PKD1L3: variants seen among roughly 807,000 people sequenced by gnomAD.
PKD1L3 encodes polycystin-1-like protein 3.
A neutral mutation model predicts 184.1 loss-of-function variants in PKD1L3; 239 were observed. The ratio of observed to expected loss-of-function variants is 1.30; its 90% CI spans 1.17 to 1.45. The LOEUF (loss-of-function observed/expected upper bound fraction) is 1.45. Ranked by LOEUF, PKD1L3 falls within the 40% of genes most tolerant of loss-of-function variation. The probability of loss-of-function intolerance (pLI) is 0.00; values close to 1 mark genes in which losing one functional copy is unlikely to be tolerated. For synonymous variants in PKD1L3, 996 were observed against 778.8 expected, an observed-to-expected ratio of 1.28 and a Z score of -4.64; for missense variants, 2,660 against 2,067.2, an observed-to-expected ratio of 1.29 and a Z score of -5.56.
chr16:71,992,079 C>T (rs1337376225), intron 3 of PKD1L3, among the ~76,000 whole-genome samples: 1 of 152,172 alleles, frequency 6.6e-6, no homozygotes, highest in Non-Finnish European at 1.5e-5. Context: ...ACTCAGCCTC[C>T]CACGGTGCTG....
intron 4 of PKD1L3, 63 bp downstream of exon 4, chr16:71,990,217 A>G (rs1471770440): frequency 7.3e-6 from 10 of 1,363,838 alleles, no homozygotes; most frequent in African/African-American, 7.3e-5. Flanking sequence ...CTCTAACCAG[A>G]TCTACTAGGT....
chr16:71,936,377 AT>A (rs2038176987), intron 25 of PKD1L3, among the ~76,000 whole-genome samples: 1 of 150,724 alleles, frequency 6.6e-6, no homozygotes, highest in African/African-American at 2.4e-5. Flanking sequence ...TGATTTTTGT[AT>A]TTTTAGTAGA....
At chr16:71,953,447 G>A (rs2038926733) in intron 17 of PKD1L3, among the ~76,000 whole-genome samples, 1 of 152,186 alleles carries the variant, frequency 6.6e-6, no homozygotes, top group South Asian at 2.1e-4. Context: ...TGTCATGGCA[G>A]GAGGTGAAGA....
intron 26 of PKD1L3, 72 bp from the exon 27 acceptor site, chr16:71,934,197 G>C: frequency 7.1e-7 from 1 of 1,414,882 alleles, no homozygotes; most frequent in Non-Finnish European, 9.7e-7. Flanking sequence ...CAGCGCCCCT[G>C]CTGCTGATCG....
chr16:71,969,469 CTCTT>C (rs1175313645), intron 13 of PKD1L3, among the ~76,000 whole-genome samples: 1 of 116,304 alleles, frequency 8.6e-6, no homozygotes, highest in Non-Finnish European at 1.7e-5. Flanking sequence ...CCATGCCAGG[CTCTT>C]TTTTTTTTTT....
chr16:71,933,696 T>G (rs8063324), intron 27 of PKD1L3, among the ~76,000 whole-genome samples, 175 bp from the exon 28 acceptor site: 110,182 of 152,060 alleles, frequency 0.72, 40,587 homozygotes, highest in East Asian at 0.98. Flanking sequence ...CATAGAAGTT[T>G]ATTTGACCTT....
rs1305696558 is a variant in PKD1L3 at position 71,942,561 on chromosome 16, T to G, written c.4323A>C (p.Arg1441Ser). The G allele has an allele frequency of 6.5e-7, 1 of 1,549,626 alleles. No homozygotes were observed. Among genetic ancestry groups the G allele is most frequent in the African/African-American group, 1.4e-5 (1 of 72,982 alleles). Residue 1441 changes from arginine (R) to serine (S), a missense_variant and splice_region_variant, in exon 24 of 30, where the codon AGA becomes AGC. Physicochemically the swap from Arg to Ser is moderately radical, Grantham distance 110. Coordinates refer to ENST00000620267, the MANE Select transcript of PKD1L3 (RefSeq NM_181536.2). The part of the protein sequence containing the change: ...KNENGFSYIM[R>S]GAFFTSLRLE... ...AATTCCAGGGGTCACTCCAGTTACC[T>G]CTCATGATGTAACTGAATCCATTCT...
intron 19 of PKD1L3, among the ~76,000 whole-genome samples, 176 bp downstream of exon 19, chr16:71,951,388 T>C (rs1219259057): frequency 1.3e-5 from 2 of 152,214 alleles, no homozygotes; most frequent in East Asian, 3.8e-4. Context: ...AGAAAGATTG[T>C]CTACAAGTCA....
chr16:71,988,543 G>C (rs374613842), intron 4 of PKD1L3, among the ~76,000 whole-genome samples: 18 of 152,292 alleles, frequency 1.2e-4, no homozygotes, highest in African/African-American at 4.3e-4. Flanking sequence ...ACCATGTGGT[G>C]ATCGTGGTGA....
rs1245074971 is a variant in PKD1L3, at chr16:71,979,911, G to C, written c.1273C>G (p.Gln425Glu). ...CTCAGCGGTAAAGTTGATATGTTTT[G>C]TCTAATGAGAAAAGTTAAAATGGAA... ...SANATLLLSR[Q>E]NISTLPLSSY... Residue 425 changes from glutamine (Q) to glutamate (E), a missense_variant and splice_region_variant, in exon 9 of 30, where the codon CAA becomes GAA. Physicochemically the swap from Gln to Glu is conservative, Grantham distance 29. Transcript: ENST00000620267. The C allele has an allele frequency of 3.2e-6, 5 of 1,550,852 alleles. No homozygotes were observed. The South Asian group carries it at 4.8e-5, about 15-fold the overall frequency.
At position 71,993,454 on chromosome 16, in the gene PKD1L3, A is replaced by G. The variant is rs935209936; in HGVS notation, c.419-122T>C. 2.2e-5 allele frequency: 14 copies of G among 642,772 alleles called. 1 individual carries two copies. In the South Asian group the frequency reaches 3.1e-4, roughly 14 times the overall value. The allele number at this position is 642,772 out of a possible 1,614,324, so 39.8% of individuals were successfully genotyped here. ...AAACACAAATTAAAAATTCCTATCC[A>G]GTTTTTTAAGGACACTAAGAATTCT... is the stretch of plus-strand genomic sequence containing the variant. On this transcript the variant is annotated intron_variant, in intron 2 of 29. Coordinates refer to ENST00000620267, the MANE Select transcript of PKD1L3 (RefSeq NM_181536.2).
intron 7 of PKD1L3, among the ~76,000 whole-genome samples, chr16:71,981,535 CTTTTTTTTTTT>C (rs543488508): frequency 6.7e-5 from 7 of 105,080 alleles, no homozygotes; most frequent in South Asian, 6.2e-4. Context: ...TTCCTAAATT[CTTTTTTTTTTT>C]TTTTTTTTTT....
rs181566555 is a variant in PKD1L3, at chr16:71,995,172, C to G, written c.419-1840G>C. On this transcript the variant is annotated intron_variant, in intron 2 of 29. Transcript: ENST00000620267. ...TGGAGTTGGGGGAAGGCTGCAACCT[C>G]GTAAGGTGAAAAGGCAAGAGAAGCC... Among the ~76,000 whole-genome samples the G allele has an allele frequency of 2.0e-5, 3 of 152,084 alleles. No homozygotes were observed. In the East Asian group the frequency reaches 5.8e-4, roughly 29 times the overall value.
At position 71,997,752 on chromosome 16, in the gene PKD1L3, AAAATAAAT is replaced by A. The variant is rs58522217; in HGVS notation, c.418+512_418+519del. 4.1e-3 allele frequency among the ~76,000 whole-genome samples: 595 copies of A among 145,728 alleles called. 1 individual carries two copies. Among genetic ancestry groups the A allele is most frequent in the African/African-American group, 0.01 (405 of 39,446 alleles). On this transcript the variant is annotated intron_variant, in intron 2 of 29. Transcript: ENST00000620267. ...AACAAGAGCAAAACTCAGTCTTGGA[AAAATAAAT>A]AAATAAATAAATAAATAAATAAATA...
chr16:71,969,999 G>T lies in PKD1L3; in HGVS notation c.2060C>A (p.Thr687Lys). 6.4e-7 allele frequency: 1 copy of T among 1,551,684 alleles called. No homozygotes were observed. The highest frequency in any genetic ancestry group is 1.2e-5 in the South Asian group (1 of 84,054). The change falls in exon 13 of 30, where the codon ACG (threonine) becomes AAG (lysine). Residue 687 changes from threonine (T) to lysine (K), a missense_variant. Thr to Lys is a moderately conservative substitution (Grantham distance 78, BLOSUM62 -1). Coordinates refer to ENST00000620267, the MANE Select transcript of PKD1L3 (RefSeq NM_181536.2). ...GGTCACGCGAAGGAACAGTTTGATCGTGTCTTCAACATTCACGGTCCTGGG... is the reference window on the plus strand; with the variant it reads ...GGTCACGCGAAGGAACAGTTTGATCTTGTCTTCAACATTCACGGTCCTGGG... Reference protein sequence around the residue: ...VVPRTVNVEDTIKLFLRVTNN... With the variant: ...VVPRTVNVEDKIKLFLRVTNN...
chr16:71,940,451 G>A (rs899729886), intron 24 of PKD1L3, among the ~76,000 whole-genome samples: 41 of 152,226 alleles, frequency 2.7e-4, no homozygotes, highest in African/African-American at 9.6e-4. Flanking sequence ...GAGAGACTTA[G>A]ATACCCAGTT....
intron 22 of PKD1L3, 112 bp downstream of exon 22, chr16:71,947,380 C>G: frequency 1.5e-6 from 1 of 677,724 alleles, no homozygotes; most frequent in Non-Finnish European, 2.5e-6. Flanking sequence ...GAGAAATAAC[C>G]AGTTGGTTAG....
chr16:71,996,187 T>C (rs1280148360), intron 2 of PKD1L3, among the ~76,000 whole-genome samples: 1 of 151,492 alleles, frequency 6.6e-6, no homozygotes, highest in Admixed American at 6.6e-5. Flanking sequence ...TGGACGCTGA[T>C]ACAGTCATGT....
intron 2 of PKD1L3, among the ~76,000 whole-genome samples, chr16:71,996,196 G>T (rs765966933): frequency 6.8e-6 from 1 of 147,184 alleles, no homozygotes; most frequent in Non-Finnish European, 1.5e-5. Context: ...ATACAGTCAT[G>T]TCAAAATTTT....
Sources: allele counts gnomAD v4.1 joint callset (sites outside exome capture counted in the v4.1 genomes callset), GRCh38; gene constraint gnomAD v4.1.1; transcripts MANE v1.5; gene names NCBI Gene and HGNC (gene_info 2026-07-23, HGNC 2026-07-21).